KCTD1: variants seen among roughly 807,000 people sequenced by gnomAD.
The protein encoded by KCTD1 is potassium channel tetramerization domain containing 1.
In KCTD1, 24 loss-of-function variants were observed where a neutral mutation model predicts 66.0. That is an observed-to-expected ratio of 0.36 (90% confidence interval 0.26 to 0.51). The LOEUF (loss-of-function observed/expected upper bound fraction) is 0.51. Among genes scored for constraint, KCTD1 ranks in the 20% least tolerant of loss-of-function variants. KCTD1 has a pLI of 0.95. For synonymous variants in KCTD1, 511 were observed against 517.2 expected (o/e 0.99, Z 0.16); for missense variants, 943 against 1,205.2 (o/e 0.78, Z 3.22).
intron 1 of KCTD1, among the ~76,000 whole-genome samples, chr18:26,504,375 G>A (rs547409302): frequency 1.7e-3 from 254 of 152,144 alleles, no homozygotes; most frequent in Admixed American, 2.6e-3. Flanking sequence ...CACTACAGGC[G>A]CAGGCCACTA....
intron 3 of KCTD1, among the ~76,000 whole-genome samples, chr18:26,470,461 G>A (rs1244504764): frequency 1.3e-5 from 2 of 152,152 alleles, no homozygotes; most frequent in Admixed American, 6.5e-5. Flanking sequence ...GCCTGGTGCC[G>A]TGATGCAGTC....
At chr18:26,551,454 A>G (rs1985563819), upstream of KCTD1, among the ~76,000 whole-genome samples, 1 of 152,156 alleles carries the variant, frequency 6.6e-6, no homozygotes. Context: ...CTTGGAAAGT[A>G]TGCCTTGGCC....
In KCTD1 at chr18:26,591,014, T is replaced by C. The variant is rs149131340; in HGVS notation, c.-16+38133A>G. ...GAATATGAAGATCAGTGGTTCAGAT[T>C]AGATAATGTATATGAAAATCACTGA... On this transcript the variant is annotated intron_variant, in intron 1 of 4. Transcript: ENST00000317932. Among the ~76,000 whole-genome samples the C allele has an allele frequency of 1.4e-3, 206 of 152,296 alleles. 2 individuals are homozygous for C. Among genetic ancestry groups the C allele is most frequent in the African/African-American group, 4.9e-3 (202 of 41,574 alleles).
chr18:26,636,645 A>G (rs1023288236), intron 1 of KCTD1, among the ~76,000 whole-genome samples: 1 of 152,194 alleles, frequency 6.6e-6, no homozygotes, highest in African/African-American at 2.4e-5. Context: ...CGAATACCTG[A>G]GCGTTGGGGT....
upstream of KCTD1, among the ~76,000 whole-genome samples, chr18:26,631,918 C>T (rs865956478): frequency 4.7e-5 from 7 of 150,028 alleles, no homozygotes; most frequent in South Asian, 4.2e-4. Flanking sequence ...GGCATGGTGG[C>T]GGGCGCCTGT....
At chr18:26,637,100 C>G (rs561288230) in intron 1 of KCTD1, among the ~76,000 whole-genome samples, 1 of 152,326 alleles carries the variant, frequency 6.6e-6, no homozygotes, top group Non-Finnish European at 1.5e-5. Context: ...GCTCCATCTA[C>G]TGCTGACGCT....
At chr18:26,538,387 G>A (rs966760724) in intron 1 of KCTD1, among the ~76,000 whole-genome samples, 7 of 152,224 alleles carry the variant, frequency 4.6e-5, no homozygotes, top group South Asian at 2.1e-4. Context: ...GCATCCACAC[G>A]GATGGGCTTT....
intron 1 of KCTD1, among the ~76,000 whole-genome samples, chr18:26,618,039 G>A (rs540570608): frequency 3.3e-5 from 5 of 150,844 alleles, no homozygotes; most frequent in African/African-American, 9.7e-5. Context: ...GCCCAGTTAC[G>A]AAGGCAGTGT....
intron 1 of KCTD1, among the ~76,000 whole-genome samples, chr18:26,527,501 G>GA (rs1984226870): frequency 1.4e-5 from 2 of 146,772 alleles, no homozygotes; most frequent in African/African-American, 5.0e-5. Flanking sequence ...AAGGGGGGGG[G>GA]GCGTGGGAGG....
intron 1 of KCTD1, among the ~76,000 whole-genome samples, chr18:26,540,460 G>A (rs1984923383): frequency 6.6e-6 from 1 of 152,160 alleles, no homozygotes; most frequent in South Asian, 2.1e-4. Context: ...AACTGTGCGG[G>A]TTCACTTATA....
chr18:26,569,018 C>A (rs912081049), intron 1 of KCTD1, among the ~76,000 whole-genome samples: 1 of 152,162 alleles, frequency 6.6e-6, no homozygotes, highest in Non-Finnish European at 1.5e-5. Context: ...ACTGATCCCA[C>A]CTCTATTGCA....
chr18:26,541,355 T>C (rs1487097777), intron 1 of KCTD1, among the ~76,000 whole-genome samples: 1 of 152,132 alleles, frequency 6.6e-6, no homozygotes, highest in Non-Finnish European at 1.5e-5. Context: ...GCACATATGA[T>C]TAAAAACTCC....
At chr18:26,603,305 G>A (rs116333788) in intron 1 of KCTD1, among the ~76,000 whole-genome samples, 1,892 of 151,816 alleles carry the variant, frequency 0.012, 48 homozygotes, top group African/African-American at 0.044. Context: ...GGTGGTACAC[G>A]CCTCTAGTCC....
In KCTD1 at chr18:26,459,721, C is replaced by T. The variant is rs374019552; in HGVS notation, c.2338G>A (p.Gly780Ser). The T allele has an allele frequency of 2.4e-5, 39 of 1,614,086 alleles. No individual in the cohort carries two copies. Among genetic ancestry groups the T allele is most frequent in the South Asian group, 5.5e-5 (5 of 91,078 alleles). The change falls in exon 4 of 5, where the codon GGC becomes AGC. Residue 780 changes from glycine (G) to serine (S), a missense_variant. By Grantham distance (56) the Gly-to-Ser change is moderately conservative (BLOSUM62 0). Coordinates refer to ENST00000580059, the MANE Select transcript of KCTD1 (RefSeq NM_001142730.3). ...TTGACAGAGTTACACATCACGTCGC[C>T]GATCTCTGGAAATACTTCTTCTATC... ...SLIEEVFPEI[G>S]DVMCNSVNAG...
At chr18:26,496,838 G>T (rs1982502092) in intron 2 of KCTD1, among the ~76,000 whole-genome samples, 1 of 151,920 alleles carries the variant, frequency 6.6e-6, no homozygotes, top group African/African-American at 2.4e-5. Flanking sequence ...TTGGTGAAAT[G>T]GCCATTATGA....
intron 1 of KCTD1, among the ~76,000 whole-genome samples, chr18:26,565,406 A>T (rs569119919): frequency 6.8e-4 from 103 of 152,324 alleles, no homozygotes; most frequent in Middle Eastern, 3.4e-3. Context: ...TTAAAACAGG[A>T]TTTAAATTCT....
At chr18:26,473,647 T>A (rs1807683022) in intron 3 of KCTD1, among the ~76,000 whole-genome samples, 1 of 151,790 alleles carries the variant, frequency 6.6e-6, no homozygotes, top group Non-Finnish European at 1.5e-5. Context: ...CTGGAAGAGA[T>A]CACTACTGAT....
chr18:26,643,701 G>C (rs183623104), upstream of KCTD1, among the ~76,000 whole-genome samples: 1 of 152,092 alleles, frequency 6.6e-6, no homozygotes, highest in Non-Finnish European at 1.5e-5. Flanking sequence ...GGTGGCTCAC[G>C]CCTGTAATCC....
chr18:26,503,708 C>G (rs1284329752), intron 1 of KCTD1, among the ~76,000 whole-genome samples: 3 of 152,086 alleles, frequency 2.0e-5, no homozygotes. Flanking sequence ...CAGGTCTGTA[C>G]AGAAAGAGAA....
Sources: allele counts gnomAD v4.1 joint callset (sites outside exome capture counted in the v4.1 genomes callset), GRCh38; gene constraint gnomAD v4.1.1; transcripts MANE v1.5; gene names NCBI Gene and HGNC (gene_info 2026-07-23, HGNC 2026-07-21).